Variants in PTPRR observed in about 807,000 individuals in gnomAD.
PTPRR encodes the protein protein tyrosine phosphatase receptor type R, also known as receptor-type tyrosine-protein phosphatase R.
A neutral mutation model predicts 77.2 loss-of-function variants in PTPRR; 38 were observed. The observed-to-expected ratio is 0.49, with a 90% CI of 0.38 to 0.65. PTPRR has a LOEUF of 0.65. Ranked by LOEUF, PTPRR falls within the 30% of genes least tolerant of loss-of-function variation. The pLI, the probability that PTPRR is intolerant of heterozygous loss-of-function variation, is 0.00. For synonymous variants in PTPRR, 299 were observed against 283.1 expected, an observed-to-expected ratio of 1.06 and a Z score of -0.57; for missense variants, 744 against 799.2, an observed-to-expected ratio of 0.93 and a Z score of 0.83.
intron 8 of PTPRR, among the ~76,000 whole-genome samples, chr12:70,697,536 A>G (rs1888271651): frequency 6.6e-6 from 1 of 152,110 alleles, no homozygotes; most frequent in Non-Finnish European, 1.5e-5. Flanking sequence ...CCTTGAAGGT[A>G]TCCTTTGAAG....
intron 1 of PTPRR, among the ~76,000 whole-genome samples, chr12:70,902,608 GT>G (rs1893556319): frequency 1.3e-5 from 2 of 151,774 alleles, no homozygotes; most frequent in Non-Finnish European, 2.9e-5. Flanking sequence ...ATTGGAGACG[GT>G]TATTCTAAGT....
At chr12:70,900,276 T>A (rs1462142428) in intron 1 of PTPRR, among the ~76,000 whole-genome samples, 1 of 151,536 alleles carries the variant, frequency 6.6e-6, no homozygotes, top group Non-Finnish European at 1.5e-5. Context: ...ATTGAGGTAG[T>A]GTAGTGTTGG....
chr12:70,854,307 A>C (rs577062704), intron 2 of PTPRR, among the ~76,000 whole-genome samples: 313 of 152,326 alleles, frequency 2.1e-3, no homozygotes, highest in Middle Eastern at 3.4e-3. Flanking sequence ...GAGCAAAGCC[A>C]GCTGTTCCTG....
chr12:70,826,342 T>C (rs1342515210), intron 2 of PTPRR, among the ~76,000 whole-genome samples: 1 of 151,952 alleles, frequency 6.6e-6, no homozygotes, highest in African/African-American at 2.4e-5. Context: ...TGGGAAGGGC[T>C]GGGCATTTAC....
rs548340857 is a variant in PTPRR, at chr12:70,901,609, C to G, written c.59-8632G>C. 6.2e-4 allele frequency among the ~76,000 whole-genome samples: 94 copies of G among 151,756 alleles called. 1 individual carries two copies. The highest frequency in any genetic ancestry group is 1.6e-3 in the Admixed American group (25 of 15,198). On this transcript the variant is annotated intron_variant, in intron 1 of 13. Coordinates refer to ENST00000283228, the MANE Select transcript of PTPRR (RefSeq NM_002849.4). ...CTCTCACTTTATACAAAAATCAACT[C>G]AAGATGGATTAAGGACTTAGATCTG...
intron 12 of PTPRR, among the ~76,000 whole-genome samples, chr12:70,658,706 G>T (rs956528365): frequency 4.0e-5 from 6 of 151,396 alleles, no homozygotes; most frequent in South Asian, 2.1e-4. Flanking sequence ...AAGGCTAAGT[G>T]GTTTGAAATA....
At chr12:70,911,655 T>C (rs748358679) in intron 1 of PTPRR, among the ~76,000 whole-genome samples, 25 of 151,586 alleles carry the variant, frequency 1.6e-4, no homozygotes, top group Admixed American at 1.6e-3. Flanking sequence ...GGGAGGTAGA[T>C]ATTTTCGAGC....
intron 5 of PTPRR, 53 bp from the exon 6 acceptor site, chr12:70,746,139 A>G: frequency 6.6e-7 from 1 of 1,523,450 alleles, no homozygotes; most frequent in South Asian, 1.2e-5. Context: ...ACTAAACAAG[A>G]GTATGATCTC....
intron 10 of PTPRR, chr12:70,672,756 C>T (rs1592657897): frequency 1.3e-6 from 2 of 1,554,736 alleles, no homozygotes; most frequent in East Asian, 5.2e-5. Context: ...CTGGGACCTC[C>T]CCAGGTGTTG....
chr12:70,809,191 G>A (rs1421932145), intron 2 of PTPRR, among the ~76,000 whole-genome samples: 10 of 152,170 alleles, frequency 6.6e-5, no homozygotes, highest in African/African-American at 1.4e-4. Context: ...GTAGAAGGGA[G>A]CTCTTTGTCT....
intron 6 of PTPRR, among the ~76,000 whole-genome samples, chr12:70,702,456 G>T (rs941852554): frequency 4.6e-5 from 7 of 152,126 alleles, no homozygotes; most frequent in Non-Finnish European, 1.0e-4. Flanking sequence ...AGTAAAGACA[G>T]TAAGAGTAGA....
chr12:70,754,100 G>T, intron 5 of PTPRR, 91 bp downstream of exon 5: 1 of 1,208,632 alleles, frequency 8.3e-7, no homozygotes, highest in Non-Finnish European at 1.2e-6. Context: ...CTGCTCGGAA[G>T]CATTTTAACA....
Position 70,793,624 on chromosome 12 carries a change from A to G in PTPRR, c.358-28846T>C, listed in dbSNP as rs558376985. On this transcript the variant is annotated intron_variant, in intron 2 of 13. Coordinates refer to ENST00000283228, the MANE Select transcript of PTPRR (RefSeq NM_002849.4). ...GCATTACTAGAAAAACACCTGGGAA[A>G]GCTTCACCAGAGAGCCCTTCTTCAC... Among the ~76,000 whole-genome samples the G allele has an allele frequency of 5.3e-5, 8 of 152,292 alleles. No homozygotes were observed. In the East Asian group the frequency reaches 1.5e-3, roughly 29 times the overall value.
At chr12:70,836,830 G>A (rs1892312385) in intron 2 of PTPRR, among the ~76,000 whole-genome samples, 1 of 151,812 alleles carries the variant, frequency 6.6e-6, no homozygotes, top group African/African-American at 2.4e-5. Flanking sequence ...TGCTTACACA[G>A]CCTACACATT....
At chr12:70,796,485 C>T (rs1267965422) in intron 2 of PTPRR, among the ~76,000 whole-genome samples, 1 of 152,078 alleles carries the variant, frequency 6.6e-6, no homozygotes, top group African/African-American at 2.4e-5. Context: ...TTAACATAAT[C>T]AGTACTTTTA....
chr12:70,796,738 A>T lies in PTPRR; in HGVS notation c.358-31960T>A, dbSNP rs184569518. Among the ~76,000 whole-genome samples the T allele has an allele frequency of 3.9e-5, 6 of 152,272 alleles. No individual in the cohort carries two copies. The East Asian group carries it at 7.7e-4, about 20-fold the overall frequency. ...AAATCCGGTGTGATTTAAAAAAAAA[A>T]TTTAACTAAGGCCGGGCATGGTGGC... is the stretch of plus-strand genomic sequence containing the variant. On this transcript the variant is annotated intron_variant, in intron 2 of 13. Transcript: ENST00000283228.
rs1888407615 is a variant in PTPRR at position 70,701,155 on chromosome 12, T to C, written c.1176A>G (p.Leu392=). ...GGCTCACCATGAATTCACTTTGGAG[T>C]AAATGTGAACTTGCCACGACGTCCC... The part of the protein sequence containing the change: ...QLRDVVASSH[L]LQSEFMEIPM... Residue 392 remains leucine, a synonymous_variant, in exon 7 of 14, where the codon TTA becomes TTG. Coordinates refer to ENST00000283228, the MANE Select transcript of PTPRR (RefSeq NM_002849.4). 1 of 1,613,700 alleles carries C rather than the reference T, an allele frequency of 6.2e-7. No homozygotes were observed. The highest frequency in any genetic ancestry group is 8.5e-7 in the Non-Finnish European group (1 of 1,179,836).
intron 2 of PTPRR, among the ~76,000 whole-genome samples, chr12:70,816,061 C>T (rs1891897577): frequency 6.6e-6 from 1 of 152,068 alleles, no homozygotes; most frequent in Admixed American, 6.6e-5. Context: ...TTTAGGAGGA[C>T]TGAGGGAGTG....
At chr12:70,756,105 T>G (rs1225866147) in intron 4 of PTPRR, among the ~76,000 whole-genome samples, 1 of 152,050 alleles carries the variant, frequency 6.6e-6, no homozygotes, top group Non-Finnish European at 1.5e-5. Flanking sequence ...TGGAAAGAGA[T>G]TTTGTGTTCC....
Sources: allele counts gnomAD v4.1 joint callset (sites outside exome capture counted in the v4.1 genomes callset), GRCh38; gene constraint gnomAD v4.1.1; transcripts MANE v1.5; gene names NCBI Gene and HGNC (gene_info 2026-07-23, HGNC 2026-07-21).